LRMDA: variants seen among roughly 807,000 people sequenced by gnomAD.
The protein encoded by LRMDA is leucine-rich melanocyte differentiation-associated protein.
In LRMDA, 18 loss-of-function variants were observed where a neutral mutation model predicts 29.8. That is an observed-to-expected ratio of 0.60 (90% CI 0.42 to 0.90). The LOEUF is 0.90. LRMDA is among the 40% of genes least tolerant of loss of function. The probability of loss-of-function intolerance (pLI) is 0.00; values close to 1 mark genes in which losing one functional copy is unlikely to be tolerated. For missense variants in LRMDA, 273 were observed against 273.9 expected (o/e 1.00, Z 0.02); for synonymous variants, 125 against 109.4 (o/e 1.14, Z -0.89).
intron 2 of LRMDA, among the ~76,000 whole-genome samples, chr10:75,753,058 C>T (rs1016848029): frequency 1.3e-5 from 2 of 152,148 alleles, no homozygotes; most frequent in African/African-American, 2.4e-5. Flanking sequence ...GTGTATTAAT[C>T]GTAGTGGCAG....
intron 2 of LRMDA, among the ~76,000 whole-genome samples, chr10:75,471,349 G>A (rs1346592737): frequency 6.6e-6 from 1 of 151,224 alleles, no homozygotes; most frequent in African/African-American, 2.4e-5. Flanking sequence ...AAAGAGCCGT[G>A]TCTCACCCTG....
intron 6 of LRMDA, among the ~76,000 whole-genome samples, chr10:76,352,320 A>G (rs967360676): frequency 1.3e-5 from 2 of 152,164 alleles, no homozygotes; most frequent in African/African-American, 2.4e-5. Context: ...AACTGATAAT[A>G]AAATAGAACA....
intron 6 of LRMDA, among the ~76,000 whole-genome samples, chr10:76,346,196 CTTTG>C (rs929902600): frequency 2.2e-4 from 33 of 152,148 alleles, no homozygotes; most frequent in African/African-American, 7.7e-4. Flanking sequence ...TACGAGAGGA[CTTTG>C]TTTGGAGTGG....
intron 2 of LRMDA, among the ~76,000 whole-genome samples, chr10:75,750,636 A>G (rs1227291770): frequency 7.5e-6 from 1 of 134,134 alleles, no homozygotes; most frequent in Non-Finnish European, 1.6e-5. Flanking sequence ...CACATCCCAG[A>G]TGATGGGCAG....
At chr10:76,342,987 A>G (rs754281433) in intron 6 of LRMDA, among the ~76,000 whole-genome samples, 3 of 151,488 alleles carry the variant, frequency 2.0e-5, no homozygotes, top group Non-Finnish European at 4.4e-5. Flanking sequence ...AGCAGGGAGT[A>G]AAAAAAACCC....
chr10:76,473,126 T>A (rs532833660), intron 6 of LRMDA, among the ~76,000 whole-genome samples: 1 of 151,532 alleles, frequency 6.6e-6, no homozygotes, highest in Admixed American at 6.6e-5. Context: ...TATTAGCACA[T>A]CCCATCTAGC....
At chr10:76,168,342 C>T (rs1320569439) in intron 5 of LRMDA, among the ~76,000 whole-genome samples, 1 of 152,106 alleles carries the variant, frequency 6.6e-6, no homozygotes, top group Non-Finnish European at 1.5e-5. Flanking sequence ...CACCAGATTT[C>T]CTATGTTGAT....
At chr10:76,126,777 A>G (rs1589338988) in intron 5 of LRMDA, among the ~76,000 whole-genome samples, 1 of 152,114 alleles carries the variant, frequency 6.6e-6, no homozygotes, top group African/African-American at 2.4e-5. Flanking sequence ...AGAATTGTGG[A>G]GTTGCATGTT....
chr10:75,906,750 C>G (rs1358044902), intron 2 of LRMDA, among the ~76,000 whole-genome samples: 1 of 152,222 alleles, frequency 6.6e-6, no homozygotes, highest in African/African-American at 2.4e-5. Context: ...GTAAAACAAA[C>G]AGGCCTGGCA....
intron 2 of LRMDA, among the ~76,000 whole-genome samples, chr10:75,751,026 A>G (rs1258060980): frequency 6.6e-6 from 1 of 152,214 alleles, no homozygotes; most frequent in Non-Finnish European, 1.5e-5. Context: ...CCTGGGCAAC[A>G]TTGAGCACTG....
intron 6 of LRMDA, among the ~76,000 whole-genome samples, chr10:76,424,679 T>C (rs1000337810): frequency 7.9e-5 from 12 of 152,250 alleles, no homozygotes; most frequent in African/African-American, 2.9e-4. Flanking sequence ...AAGTGGGTGA[T>C]ATCATTACCC....
intron 5 of LRMDA, among the ~76,000 whole-genome samples, chr10:76,221,173 T>C (rs1851827255): frequency 1.3e-5 from 2 of 152,096 alleles, no homozygotes; most frequent in South Asian, 4.2e-4. Context: ...TCATACTGAA[T>C]GGGCAAAAAC....
At chr10:76,262,545 G>T (rs1267736519) in intron 5 of LRMDA, among the ~76,000 whole-genome samples, 1 of 152,148 alleles carries the variant, frequency 6.6e-6, no homozygotes, top group Admixed American at 6.5e-5. Context: ...AAAGATTAGG[G>T]TAACTGATCT....
Position 75,671,086 on chromosome 10 carries a change from T to C in LRMDA, c.131+232592T>C, listed in dbSNP as rs551367167. 5.3e-5 allele frequency among the ~76,000 whole-genome samples: 8 copies of C among 152,284 alleles called. No homozygotes were observed. In the South Asian group the frequency reaches 1.2e-3, roughly 24 times the overall value. Reference sequence around the variant, plus strand: ...TGTGCCTGGGGGTGATGAGGTTTTATAGAGTTTCTAGATCAGAGGATGCTG... The same window carrying C: ...TGTGCCTGGGGGTGATGAGGTTTTACAGAGTTTCTAGATCAGAGGATGCTG... On this transcript the variant is annotated intron_variant, in intron 2 of 6. Coordinates refer to ENST00000611255, the MANE Select transcript of LRMDA (RefSeq NM_001305581.2).
chr10:76,315,226 C>T (rs1172002635), intron 5 of LRMDA, among the ~76,000 whole-genome samples: 1 of 152,244 alleles, frequency 6.6e-6, no homozygotes, highest in African/African-American at 2.4e-5. Flanking sequence ...CTGGAGCAGC[C>T]GCTTCGAAGA....
rs183346522 is a variant in LRMDA at position 75,766,056 on chromosome 10, G to C, written c.132-269952G>C. ...TATCCTAAAAAATGTCTGTTGGAAG[G>C]AGTGGCTTTTCTAAGTGCTTCAGGC... On this transcript the variant is annotated intron_variant, in intron 2 of 6. Transcript: ENST00000611255. Among the ~76,000 whole-genome samples the C allele has an allele frequency of 3.9e-5, 6 of 152,314 alleles. No individual in the cohort carries two copies. The East Asian group carries it at 1.2e-3, about 29-fold the overall frequency.
intron 2 of LRMDA, among the ~76,000 whole-genome samples, chr10:75,615,393 A>C (rs11001439): frequency 6.6e-6 from 1 of 152,212 alleles, no homozygotes; most frequent in East Asian, 1.9e-4. Context: ...GAGCATCCCT[A>C]ATGTGAAAAT....
intron 5 of LRMDA, among the ~76,000 whole-genome samples, chr10:76,077,113 G>C (rs1219300848): frequency 1.3e-5 from 2 of 152,108 alleles, no homozygotes; most frequent in Non-Finnish European, 2.9e-5. Flanking sequence ...CCCAGGGCCA[G>C]GAGTTCCCAT....
chr10:75,837,049 T>C (rs1208982175), intron 2 of LRMDA, among the ~76,000 whole-genome samples: 1 of 152,172 alleles, frequency 6.6e-6, no homozygotes, highest in East Asian at 1.9e-4. Flanking sequence ...TTAATGTCCA[T>C]AGAAATCTAT....
Sources: allele counts gnomAD v4.1 joint callset (sites outside exome capture counted in the v4.1 genomes callset), GRCh38; gene constraint gnomAD v4.1.1; transcripts MANE v1.5; gene names NCBI Gene and HGNC (gene_info 2026-07-23, HGNC 2026-07-21).